The following PANX1 variants were observed in gnomAD, a reference collection of about 807,000 sequenced individuals.
PANX1 encodes pannexin 1.
A neutral mutation model predicts 38.7 loss-of-function variants in PANX1; 30 were observed. That is an observed-to-expected ratio of 0.78 (90% CI 0.58 to 1.05). The LOEUF (loss-of-function observed/expected upper bound fraction) is 1.05, where lower values mean the gene tolerates loss of function less well. Ranked by LOEUF, PANX1 falls within the 50% of genes least tolerant of loss-of-function variation. PANX1 has a pLI of 0.00. For synonymous variants in PANX1, 230 were observed against 212.2 expected, an observed-to-expected ratio of 1.08 and a Z score of -0.73; for missense variants, 551 against 517.2, an observed-to-expected ratio of 1.07 and a Z score of -0.63.
At chr11:94,141,677 T>C (rs954203802) in intron 1 of PANX1, among the ~76,000 whole-genome samples, 1 of 152,200 alleles carries the variant, frequency 6.6e-6, no homozygotes, top group Admixed American at 6.5e-5. Flanking sequence ...CTAGCAAATA[T>C]TATTTATTAG....
chr11:94,171,742 C>T (rs1052766496), intron 2 of PANX1, among the ~76,000 whole-genome samples: 7 of 151,184 alleles, frequency 4.6e-5, no homozygotes, highest in African/African-American at 9.8e-5. Flanking sequence ...TTTCTCCAAC[C>T]GACTTTGATT....
At chr11:94,180,465 AAAG>A (rs1208396065) in intron 4 of PANX1, among the ~76,000 whole-genome samples, 2 of 152,324 alleles carry the variant, frequency 1.3e-5, no homozygotes, top group South Asian at 2.1e-4. Flanking sequence ...CTACATTTCC[AAAG>A]AAGAATAACT....
chr11:94,142,582 G>A (rs140350771), intron 1 of PANX1, among the ~76,000 whole-genome samples: 2 of 152,264 alleles, frequency 1.3e-5, no homozygotes, highest in African/African-American at 4.8e-5. Context: ...CTTTGAGTAC[G>A]AACATTTGTC....
chr11:94,166,393 T>TC (rs1024256194), intron 2 of PANX1, among the ~76,000 whole-genome samples: 10 of 152,350 alleles, frequency 6.6e-5, no homozygotes, highest in African/African-American at 2.4e-4. Context: ...AGTCTTTATT[T>TC]CACCTTTATG....
At chr11:94,137,484 G>A (rs1946708759) in intron 1 of PANX1, among the ~76,000 whole-genome samples, 2 of 152,140 alleles carry the variant, frequency 1.3e-5, no homozygotes, top group African/African-American at 4.8e-5. Context: ...TTGGTCCAAA[G>A]TGGAGAAAGG....
In PANX1 at chr11:94,170,465, A is replaced by C. The variant is rs575011840; in HGVS notation, c.322-7904A>C. Among the ~76,000 whole-genome samples, 221 of 151,934 alleles carry C rather than the reference A, an allele frequency of 1.5e-3. 8 individuals are homozygous for C. Among genetic ancestry groups the C allele is most frequent in the African/African-American group, 5.0e-3 (206 of 41,184 alleles). ...ATTTTGTTTATCCGTTCATCAGCGC[A>C]TACTTGGGTTGCTTGCCCTTATTGG... On this transcript the variant is annotated intron_variant, in intron 2 of 4. Coordinates refer to ENST00000227638, the MANE Select transcript of PANX1 (RefSeq NM_015368.4).
chr11:94,133,961 C>T (rs1156568729), intron 1 of PANX1, among the ~76,000 whole-genome samples: 1 of 152,216 alleles, frequency 6.6e-6, no homozygotes, highest in Non-Finnish European at 1.5e-5. Flanking sequence ...CTCTGAGTGC[C>T]ATTTAATGAT....
chr11:94,136,795 A>G (rs984855154), intron 1 of PANX1, among the ~76,000 whole-genome samples: 2 of 152,084 alleles, frequency 1.3e-5, no homozygotes, highest in Non-Finnish European at 2.9e-5. Context: ...CTTGATACAT[A>G]GAAGTATTAG....
rs1030881600 is a variant in PANX1 at position 94,178,517 on chromosome 11, C to T, written c.470C>T (p.Ala157Val). The part of the protein sequence containing the change: ...DKVYNRAIKA[A>V]KSARDLDMRD... ...GTTTACAACCGTGCAATTAAGGCTG[C>T]AAAGAGTGCGCGTGACCTTGACATG... is the stretch of plus-strand genomic sequence containing the variant. The change falls in exon 3 of 5, where the codon GCA (alanine) becomes GTA (valine). Residue 157 changes from alanine (A) to valine (V), a missense_variant. By Grantham distance (64) the Ala-to-Val change is moderately conservative. Coordinates refer to ENST00000227638, the MANE Select transcript of PANX1 (RefSeq NM_015368.4). 4 of 1,614,134 alleles carry T rather than the reference C, an allele frequency of 2.5e-6. No individual in the cohort carries two copies. The highest frequency in any genetic ancestry group is 1.7e-4 in the Middle Eastern group (1 of 6,060).
intron 1 of PANX1, among the ~76,000 whole-genome samples, chr11:94,132,045 C>G (rs1445997337): frequency 6.6e-6 from 1 of 152,146 alleles, no homozygotes; most frequent in Non-Finnish European, 1.5e-5. Flanking sequence ...TTGGAATACT[C>G]TTTTGTTGAA....
rs1947309273 is a variant in PANX1 at position 94,181,895 on chromosome 11, TG to T, written c.*1027del. On this transcript the variant is annotated 3_prime_UTR_variant, in exon 5 of 5. Coordinates refer to ENST00000227638, the MANE Select transcript of PANX1 (RefSeq NM_015368.4). ...ATTATCGTTTATTCAGTGTCCGAATTGAGGCCATTTGGGAAGAAAATTCTAG... is the reference window on the plus strand; with the variant it reads ...ATTATCGTTTATTCAGTGTCCGAATTAGGCCATTTGGGAAGAAAATTCTAG... The T allele has an allele frequency of 6.6e-6, 1 of 152,210 alleles. No homozygotes were observed. The highest frequency in any genetic ancestry group is 2.4e-5 in the African/African-American group (1 of 41,456). The allele number at this position is 152,210 out of a possible 1,614,324, so 9.4% of individuals were successfully genotyped here. A position where few individuals can be genotyped will look rare whatever the true frequency, so the allele number is the denominator to read the frequency against.
chr11:94,178,892 A>G (rs1040150609), intron 3 of PANX1, among the ~76,000 whole-genome samples: 6 of 152,148 alleles, frequency 3.9e-5, no homozygotes, highest in African/African-American at 7.2e-5. Context: ...TTGAGGTGCT[A>G]TATGAAGCTT....
intron 1 of PANX1, among the ~76,000 whole-genome samples, chr11:94,136,498 C>G (rs1334846499): frequency 6.6e-6 from 1 of 152,146 alleles, no homozygotes; most frequent in Admixed American, 6.5e-5. Context: ...TGATACATAT[C>G]GGCCGGGCGC....
At chr11:94,170,167 TTCA>T (rs1386116313) in intron 2 of PANX1, among the ~76,000 whole-genome samples, 1 of 151,738 alleles carries the variant, frequency 6.6e-6, no homozygotes, top group Non-Finnish European at 1.5e-5. Context: ...TCCTGAATTT[TTCA>T]TCTTCCCAAA....
intron 2 of PANX1, among the ~76,000 whole-genome samples, chr11:94,166,440 T>C (rs1483779117): frequency 1.3e-5 from 2 of 152,228 alleles, no homozygotes; most frequent in African/African-American, 2.4e-5. Flanking sequence ...ATATTCTAGG[T>C]TGGAAGCTTT....
chr11:94,138,248 C>CA (rs1211856683), intron 1 of PANX1, among the ~76,000 whole-genome samples: 1 of 152,130 alleles, frequency 6.6e-6, no homozygotes, highest in African/African-American at 2.4e-5. Flanking sequence ...AATAGGTGAA[C>CA]AAAGGTGTGC....
intron 2 of PANX1, among the ~76,000 whole-genome samples, chr11:94,153,926 G>T (rs192810193): frequency 3.3e-5 from 5 of 152,184 alleles, no homozygotes; most frequent in Admixed American, 2.6e-4. Flanking sequence ...TGTCTGGCCC[G>T]TAGTAGGTTC....
chr11:94,162,478 G>A (rs1265143125), intron 2 of PANX1, among the ~76,000 whole-genome samples: 2 of 152,212 alleles, frequency 1.3e-5, no homozygotes, highest in African/African-American at 4.8e-5. Flanking sequence ...TGCTGTGCTA[G>A]CAATGAGCGA....
chr11:94,166,904 T>A (rs779521558), intron 2 of PANX1, among the ~76,000 whole-genome samples: 12 of 152,290 alleles, frequency 7.9e-5, no homozygotes, highest in African/African-American at 1.4e-4. Context: ...AGCCCACTGC[T>A]TCTAAGACCA....
Sources: allele counts gnomAD v4.1 joint callset (sites outside exome capture counted in the v4.1 genomes callset), GRCh38; gene constraint gnomAD v4.1.1; transcripts MANE v1.5; gene names NCBI Gene and HGNC (gene_info 2026-07-23, HGNC 2026-07-21).